The following KIAA0825 variants were observed in gnomAD, a reference collection of about 807,000 sequenced individuals.
KIAA0825 encodes uncharacterized protein KIAA0825.
Under a neutral mutation model 147.6 loss-of-function variants are expected in KIAA0825, and 119 were observed. The ratio of observed to expected loss-of-function variants is 0.81; its 90% CI spans 0.69 to 0.94. The LOEUF is 0.94. KIAA0825 is among the 40% of genes least tolerant of loss of function. KIAA0825 has a pLI of 0.00. For synonymous variants in KIAA0825, 470 were observed against 518.1 expected, an observed-to-expected ratio of 0.91 and a Z score of 1.26; for missense variants, 1,381 against 1,472.7, an observed-to-expected ratio of 0.94 and a Z score of 1.02.
intron 2 of KIAA0825, among the ~76,000 whole-genome samples, chr5:94,541,656 T>C (rs1377904814): frequency 6.6e-6 from 1 of 152,238 alleles, no homozygotes; most frequent in African/African-American, 2.4e-5. Flanking sequence ...TTGCTTTTAA[T>C]CTGCTCTTTA....
At chr5:94,199,976 A>G (rs1267786060) in intron 20 of KIAA0825, among the ~76,000 whole-genome samples, 3 of 152,168 alleles carry the variant, frequency 2.0e-5, no homozygotes, top group Admixed American at 6.5e-5. Flanking sequence ...CATTCAGACC[A>G]GACTGGCCCA....
chr5:94,345,942 G>A (rs753826928), intron 20 of KIAA0825, among the ~76,000 whole-genome samples: 4 of 152,044 alleles, frequency 2.6e-5, no homozygotes, highest in East Asian at 1.9e-4. Context: ...TGCATGCACC[G>A]GTAATTAGAA....
intron 14 of KIAA0825, 25 bp from the exon 15 acceptor site, chr5:94,417,390 A>G: frequency 6.5e-7 from 1 of 1,528,350 alleles, no homozygotes; most frequent in Non-Finnish European, 8.9e-7. Flanking sequence ...TCTTGAAAGG[A>G]ATCAAAATGA....
intron 2 of KIAA0825, among the ~76,000 whole-genome samples, chr5:94,559,168 T>C (rs1777107037): frequency 6.6e-6 from 1 of 152,202 alleles, no homozygotes; most frequent in Non-Finnish European, 1.5e-5. Context: ...ACGTGTATTC[T>C]TTTAAATACC....
intron 20 of KIAA0825, among the ~76,000 whole-genome samples, chr5:94,381,254 A>C (rs1170008979): frequency 6.6e-6 from 1 of 152,136 alleles, no homozygotes; most frequent in East Asian, 1.9e-4. Flanking sequence ...CAGTTTCCTT[A>C]CCTGACTAGA....
At chr5:94,456,841 TTCCTGATAG>T (rs1759180406) in intron 12 of KIAA0825, among the ~76,000 whole-genome samples, 1 of 152,148 alleles carries the variant, frequency 6.6e-6, no homozygotes, top group African/African-American at 2.4e-5. Context: ...TAACATGAAA[TTCCTGATAG>T]TCTAAATGGT....
At chr5:94,269,498 T>A (rs185309774) in intron 20 of KIAA0825, among the ~76,000 whole-genome samples, 27 of 152,192 alleles carry the variant, frequency 1.8e-4, no homozygotes, top group South Asian at 8.3e-4. Context: ...GAATTTTTTT[T>A]AAAAATCCAT....
At chr5:94,453,475 C>T (rs1158566632) in intron 12 of KIAA0825, among the ~76,000 whole-genome samples, 1 of 151,904 alleles carries the variant, frequency 6.6e-6, no homozygotes, top group Non-Finnish European at 1.5e-5. Flanking sequence ...GCGTGAGCCA[C>T]TGTGCCCGGC....
intron 20 of KIAA0825, among the ~76,000 whole-genome samples, chr5:94,307,616 T>G (rs1284926476): frequency 6.6e-6 from 1 of 151,666 alleles, no homozygotes; most frequent in Non-Finnish European, 1.5e-5. Context: ...CATCTTTTGC[T>G]CTACACTAAC....
At chr5:94,423,637 A>C (rs1357970088) in intron 14 of KIAA0825, among the ~76,000 whole-genome samples, 3 of 152,190 alleles carry the variant, frequency 2.0e-5, no homozygotes, top group African/African-American at 7.2e-5. Context: ...AGGTTTTGGC[A>C]ACAATGTTGT....
intron 20 of KIAA0825, among the ~76,000 whole-genome samples, chr5:94,219,764 A>T (rs1477273554): frequency 1.3e-5 from 2 of 152,112 alleles, no homozygotes; most frequent in African/African-American, 4.8e-5. Flanking sequence ...TATCATATGA[A>T]AGATAATGGT....
At chr5:94,480,422 T>C (rs1762367246) in intron 6 of KIAA0825, among the ~76,000 whole-genome samples, 1 of 152,136 alleles carries the variant, frequency 6.6e-6, no homozygotes, top group Non-Finnish European at 1.5e-5. Flanking sequence ...ATAATAAAGA[T>C]CAAGTTGTTA....
chr5:94,288,074 G>GAA (rs887898990), intron 20 of KIAA0825, among the ~76,000 whole-genome samples: 1 of 152,078 alleles, frequency 6.6e-6, no homozygotes, highest in African/African-American at 2.4e-5. Flanking sequence ...ACATCCTCTG[G>GAA]AAAAAATGGC....
chr5:94,359,565 T>C (rs1014985776), intron 20 of KIAA0825, among the ~76,000 whole-genome samples: 1 of 152,172 alleles, frequency 6.6e-6, no homozygotes, highest in Non-Finnish European at 1.5e-5. Context: ...AAGACTAGCC[T>C]GGTCAACATA....
chr5:94,312,361 T>G (rs560141446), intron 20 of KIAA0825, among the ~76,000 whole-genome samples: 1 of 151,766 alleles, frequency 6.6e-6, no homozygotes, highest in South Asian at 2.1e-4. Flanking sequence ...GAGATAATCT[T>G]AGAAACGAGT....
chr5:94,477,221 G>C lies in KIAA0825; in HGVS notation c.1133-16C>G. On this transcript the variant is annotated splice_polypyrimidine_tract_variant and intron_variant, in intron 6 of 20. Coordinates refer to ENST00000682413, the MANE Select transcript of KIAA0825 (RefSeq NM_001145678.3). ...TCCAAAATTCCTAAGCAATAGAAAA[G>C]AAAACAAACACACTAATATATATTG... The C allele has an allele frequency of 6.9e-7, 1 of 1,444,350 alleles. No homozygotes were observed. The highest frequency in any genetic ancestry group is 9.5e-7 in the Non-Finnish European group (1 of 1,052,478). 89.5% of individuals were successfully genotyped at this position (1,444,350 alleles called of 1,614,324 possible).
chr5:94,555,948 G>T (rs997049308), intron 2 of KIAA0825, among the ~76,000 whole-genome samples: 8 of 152,110 alleles, frequency 5.3e-5, no homozygotes, highest in African/African-American at 1.9e-4. Flanking sequence ...TTAACTTGAA[G>T]ATCTGCATTA....
chr5:94,298,915 T>G (rs1778258957), intron 20 of KIAA0825, among the ~76,000 whole-genome samples: 1 of 152,146 alleles, frequency 6.6e-6, no homozygotes, highest in African/African-American at 2.4e-5. Context: ...TGACCCAAGC[T>G]TTCCTTTTTT....
At chr5:94,505,357 T>TC (rs79896079) in intron 5 of KIAA0825, among the ~76,000 whole-genome samples, 1 of 147,718 alleles carries the variant, frequency 6.8e-6, no homozygotes, top group Non-Finnish European at 1.5e-5. Flanking sequence ...CGAGACTCTG[T>TC]CTTTAAAAAA....
Sources: allele counts gnomAD v4.1 joint callset (sites outside exome capture counted in the v4.1 genomes callset), GRCh38; gene constraint gnomAD v4.1.1; transcripts MANE v1.5; gene names NCBI Gene and HGNC (gene_info 2026-07-23, HGNC 2026-07-21).